PUS7L: variants seen among roughly 807,000 people sequenced by gnomAD.
PUS7L encodes pseudouridine synthase 7 like, also known as pseudouridylate synthase PUS7L.
In PUS7L, 49 loss-of-function variants were observed where a neutral mutation model predicts 51.1. The ratio of observed to expected loss-of-function variants is 0.96; its 90% CI spans 0.76 to 1.22. The LOEUF (loss-of-function observed/expected upper bound fraction) is 1.22. PUS7L is among the 50% of genes most tolerant of loss of function. The probability of loss-of-function intolerance (pLI) is 0.00; values close to 1 mark genes in which losing one functional copy is unlikely to be tolerated. For missense variants in PUS7L, 828 were observed against 820.6 expected (o/e 1.01, Z -0.11); for synonymous variants, 277 against 276.2 (o/e 1.00, Z -0.03).
intron 5 of PUS7L, chr12:43,739,259 A>T (rs1592165701): frequency 6.6e-6 from 1 of 152,354 alleles, no homozygotes; most frequent in Admixed American, 6.5e-5. Flanking sequence ...GAAAAGAAGT[A>T]GCTCTGAAGA....
intron 2 of PUS7L, among the ~76,000 whole-genome samples, chr12:43,753,943 G>A (rs544334084): frequency 5.9e-5 from 9 of 152,206 alleles, no homozygotes; most frequent in African/African-American, 1.9e-4. Context: ...CCCAAGCACA[G>A]TAAATATATT....
chr12:43,751,978 CTGTT>C lies in PUS7L; in HGVS notation c.910+2354_910+2357del, dbSNP rs1252716369. 3.3e-5 allele frequency among the ~76,000 whole-genome samples: 5 copies of C among 152,288 alleles called. No individual in the cohort carries two copies. The East Asian group carries it at 9.6e-4, about 29-fold the overall frequency. Reference sequence around the variant, plus strand: ...TGATGATGAGCATTTTTTCATGTGTCTGTTGGCTGCATAAATGTCTGCTTTTGAG... The same window carrying C: ...TGATGATGAGCATTTTTTCATGTGTCGGCTGCATAAATGTCTGCTTTTGAG... On this transcript the variant is annotated intron_variant, in intron 2 of 8. Transcript: ENST00000344862.
rs530956623 is a variant in PUS7L at position 43,721,618 on chromosome 12, C to T, written c.*8758G>A. 6.6e-6 allele frequency: 1 copy of T among 151,986 alleles called. No homozygotes were observed. The highest frequency in any genetic ancestry group is 2.4e-5 in the African/African-American group (1 of 41,376). The allele number at this position is 151,986 out of a possible 1,614,324, so 9.4% of individuals were successfully genotyped here. A position where few individuals can be genotyped will look rare whatever the true frequency, so the allele number is the denominator to read the frequency against. ...TCTTGAATAATTCACAGTAGATGAT[C>T]CAGATATTTAATCAAATAAGTACAA... On this transcript the variant is annotated 3_prime_UTR_variant, in exon 9 of 9. Coordinates refer to ENST00000344862, the MANE Select transcript of PUS7L (RefSeq NM_031292.5).
At chr12:43,735,215 G>T (rs1483197008) in intron 7 of PUS7L, among the ~76,000 whole-genome samples, 1 of 152,044 alleles carries the variant, frequency 6.6e-6, no homozygotes, top group Non-Finnish European at 1.5e-5. Flanking sequence ...TACTTGGGAG[G>T]CTGAGGCAGG....
At chr12:43,757,245 A>G (rs1938782008) in intron 1 of PUS7L, among the ~76,000 whole-genome samples, 1 of 152,076 alleles carries the variant, frequency 6.6e-6, no homozygotes, top group Non-Finnish European at 1.5e-5. Context: ...ATCTCGGCTC[A>G]CTGCAACCTC....
In PUS7L at chr12:43,720,236, C is replaced by T. The variant is rs1944381601; in HGVS notation, c.*10140G>A. ...TGTATCTCTTCATCTGTAATCCCAG[C>T]ATTTTGGGAGGCTGAGGCTGGCAGA... On this transcript the variant is annotated 3_prime_UTR_variant, in exon 9 of 9. Transcript: ENST00000344862. 2.6e-5 allele frequency: 4 copies of T among 152,208 alleles called. No individual in the cohort carries two copies. The highest frequency in any genetic ancestry group is 9.6e-5 in the African/African-American group (4 of 41,456). The allele number at this position is 152,208 out of a possible 1,614,324, so 9.4% of individuals were successfully genotyped here. A position where few individuals can be genotyped will look rare whatever the true frequency, so the allele number is the denominator to read the frequency against.
Position 43,754,288 on chromosome 12 carries a change from A to T in PUS7L, c.910+48T>A, listed in dbSNP as rs750109542. ...GTTCAATTCATTTTCACAATTTTAA[A>T]TTTAGCTAAGCTTATCCAAGAAAAT... On this transcript the variant is annotated intron_variant, in intron 2 of 8. Transcript: ENST00000344862. The T allele has an allele frequency of 2.3e-6, 3 of 1,285,484 alleles. No homozygotes were observed. In the East Asian group the frequency reaches 7.0e-5, roughly 30 times the overall value. The allele number at this position is 1,285,484 out of a possible 1,614,324, so 79.6% of individuals were successfully genotyped here. A position where few individuals can be genotyped will look rare whatever the true frequency, so the allele number is the denominator to read the frequency against.
In PUS7L at chr12:43,725,759, T is replaced by G. The variant is rs1248453678; in HGVS notation, c.*4617A>C. Reference sequence around the variant, plus strand: ...TAGGTAGATGAAAACAGTACTGATTTAAGAAGCATAATCAAGCTCAACCAC... The same window carrying G: ...TAGGTAGATGAAAACAGTACTGATTGAAGAAGCATAATCAAGCTCAACCAC... On this transcript the variant is annotated 3_prime_UTR_variant, in exon 9 of 9. Coordinates refer to ENST00000344862, the MANE Select transcript of PUS7L (RefSeq NM_031292.5). 6.6e-6 allele frequency: 1 copy of G among 152,144 alleles called. No individual in the cohort carries two copies. The highest frequency in any genetic ancestry group is 1.5e-5 in the Non-Finnish European group (1 of 68,020). The allele number at this position is 152,144 out of a possible 1,614,324, so 9.4% of individuals were successfully genotyped here.
At position 43,726,321 on chromosome 12, in the gene PUS7L, C is replaced by T. The variant is rs1944453986; in HGVS notation, c.*4055G>A. The T allele has an allele frequency of 6.6e-6, 1 of 152,148 alleles. No individual in the cohort carries two copies. Among genetic ancestry groups the T allele is most frequent in the African/African-American group, 2.4e-5 (1 of 41,426 alleles). The allele number at this position is 152,148 out of a possible 1,614,324, so 9.4% of individuals were successfully genotyped here. A position where few individuals can be genotyped will look rare whatever the true frequency, so the allele number is the denominator to read the frequency against. ...AGGACTCCCTATTTAATAAATGGTGCTGGGATAACTGGTTAGCCACATCCT... is the reference window on the plus strand; with the variant it reads ...AGGACTCCCTATTTAATAAATGGTGTTGGGATAACTGGTTAGCCACATCCT... On this transcript the variant is annotated 3_prime_UTR_variant, in exon 9 of 9. Coordinates refer to ENST00000344862, the MANE Select transcript of PUS7L (RefSeq NM_031292.5).
In PUS7L at chr12:43,730,022, G is replaced by A. The variant is rs542908095; in HGVS notation, c.*354C>T. On this transcript the variant is annotated 3_prime_UTR_variant, in exon 9 of 9. Coordinates refer to ENST00000344862, the MANE Select transcript of PUS7L (RefSeq NM_031292.5). ...TAATTTTACTAGTGTTCTAAGCAAG[G>A]AGCTGGAGGATATGAATATTCACAA... 7 of 182,922 alleles carry A rather than the reference G, an allele frequency of 3.8e-5. No individual in the cohort carries two copies. Among genetic ancestry groups the A allele is most frequent in the Admixed American group, 2.2e-4 (4 of 18,476 alleles). The allele number at this position is 182,922 out of a possible 1,614,324, so 11.3% of individuals were successfully genotyped here. A position where few individuals can be genotyped will look rare whatever the true frequency, so the allele number is the denominator to read the frequency against.
At chr12:43,745,959 G>GA in intron 4 of PUS7L, 87 bp downstream of exon 4, 1 of 600,456 alleles carries the variant, frequency 1.7e-6, no homozygotes, top group East Asian at 3.3e-5. Flanking sequence ...AGGTACAAAA[G>GA]AAAAAGAAGT....
chr12:43,728,481 A>G lies in PUS7L; in HGVS notation c.*1895T>C, dbSNP rs1944484906. 1 of 152,146 alleles carries G rather than the reference A, an allele frequency of 6.6e-6. No individual in the cohort carries two copies. The highest frequency in any genetic ancestry group is 1.5e-5 in the Non-Finnish European group (1 of 67,990). 9.4% of individuals were successfully genotyped at this position (152,146 alleles called of 1,614,324 possible). A position where few individuals can be genotyped will look rare whatever the true frequency, so the allele number is the denominator to read the frequency against. ...TGATTACATTTATAGGATACGATTT[A>G]TCATATAAAATAAAACATTTTTTCT... On this transcript the variant is annotated 3_prime_UTR_variant, in exon 9 of 9. Transcript: ENST00000344862.
rs779092996 is a variant in PUS7L, at chr12:43,738,408, G to A, written c.1363-17C>T. ...GGCTTTCATCTTAAAAAATCAAGCA[G>A]GTAAACATGTGTTAATGAAAATGTC... On this transcript the variant is annotated splice_polypyrimidine_tract_variant and intron_variant, in intron 5 of 8. Transcript: ENST00000344862. The A allele has an allele frequency of 7.5e-7, 1 of 1,337,504 alleles. No individual in the cohort carries two copies. The highest frequency in any genetic ancestry group is 1.1e-6 in the Non-Finnish European group (1 of 936,842). The allele number at this position is 1,337,504 out of a possible 1,614,324, so 82.9% of individuals were successfully genotyped here. A position where few individuals can be genotyped will look rare whatever the true frequency, so the allele number is the denominator to read the frequency against.
Position 43,748,502 on chromosome 12 carries a change from T to G in PUS7L, c.1018A>C (p.Lys340Gln). The change falls in exon 3 of 9, where the codon AAG (lysine) becomes CAG (glutamine). Residue 340 changes from lysine to glutamine, a missense_variant. Physicochemically the swap from Lys to Gln is moderately conservative, Grantham distance 53. Transcript: ENST00000344862. ...SDFSYAGLKDKKAITYQAMVV... is the reference protein window; with the variant it reads ...SDFSYAGLKDQKAITYQAMVV... ...ATTGCTTGATAGGTGATGGCTTTCT[T>G]GTCTTTAAGGCCTGCATAACTAAAA... The G allele has an allele frequency of 6.2e-7, 1 of 1,609,654 alleles. No individual in the cohort carries two copies. Among genetic ancestry groups the G allele is most frequent in the Non-Finnish European group, 8.5e-7 (1 of 1,178,936 alleles).
chr12:43,743,878 A>G lies in PUS7L; in HGVS notation c.1264-1323T>C, dbSNP rs559502973. On this transcript the variant is annotated intron_variant, in intron 4 of 8. Transcript: ENST00000344862. The stretch of plus-strand genomic sequence containing the variant: ...CATAAGATGACGTCCTAGAGTAACC[A>G]GAAGAGTTTTAAATTAACCCTTCAA... 2.8e-4 allele frequency among the ~76,000 whole-genome samples: 42 copies of G among 152,362 alleles called. No homozygotes were observed. The South Asian group carries it at 4.8e-3, about 17-fold the overall frequency.
chr12:43,753,060 T>C (rs1938532775), intron 2 of PUS7L, among the ~76,000 whole-genome samples: 1 of 152,186 alleles, frequency 6.6e-6, no homozygotes, highest in Non-Finnish European at 1.5e-5. Flanking sequence ...GAATTTCAAG[T>C]AGTATAAGAT....
chr12:43,734,318 G>A (rs1334787838), intron 7 of PUS7L, among the ~76,000 whole-genome samples: 2 of 152,132 alleles, frequency 1.3e-5, no homozygotes, highest in East Asian at 3.9e-4. Flanking sequence ...GCCACCAAAG[G>A]TGTAAGCTAG....
intron 4 of PUS7L, among the ~76,000 whole-genome samples, chr12:43,744,292 CAT>C (rs1183646925): frequency 1.3e-5 from 2 of 152,304 alleles, no homozygotes; most frequent in East Asian, 1.9e-4. Flanking sequence ...ACAATTCCCA[CAT>C]GTCATGGGAA....
intron 5 of PUS7L, among the ~76,000 whole-genome samples, chr12:43,741,984 T>C (rs1053895797): frequency 9.2e-5 from 14 of 152,162 alleles, no homozygotes; most frequent in Non-Finnish European, 1.9e-4. Flanking sequence ...AAAGCAGATA[T>C]ACACACATAC....
Sources: allele counts gnomAD v4.1 joint callset (sites outside exome capture counted in the v4.1 genomes callset), GRCh38; gene constraint gnomAD v4.1.1; transcripts MANE v1.5; gene names NCBI Gene and HGNC (gene_info 2026-07-23, HGNC 2026-07-21).